Variants in ACADL observed in about 807,000 individuals in gnomAD.
ACADL encodes long-chain specific acyl-CoA dehydrogenase, mitochondrial.
A neutral mutation model predicts 56.9 loss-of-function variants in ACADL; 60 were observed. The ratio of observed to expected loss-of-function variants is 1.05; its 90% CI spans 0.86 to 1.31. The LOEUF (loss-of-function observed/expected upper bound fraction) is 1.31, where lower values mean the gene tolerates loss of function less well. ACADL is among the 50% of genes most tolerant of loss of function. The probability of loss-of-function intolerance (pLI) is 0.00; values close to 1 mark genes in which losing one functional copy is unlikely to be tolerated. For missense variants in ACADL, 484 were observed against 525.5 expected, an observed-to-expected ratio of 0.92 and a Z score of 0.77; for synonymous variants, 158 against 179.7, an observed-to-expected ratio of 0.88 and a Z score of 0.97.
chr2:210,193,303 T>C (rs1347521078), intron 9 of ACADL, among the ~76,000 whole-genome samples: 1 of 152,188 alleles, frequency 6.6e-6, no homozygotes, highest in Non-Finnish European at 1.5e-5. Context: ...TCCAATGATG[T>C]CACTTTCTAC....
At chr2:210,220,840 A>C in intron 1 of ACADL, 38 bp from the exon 2 acceptor site, 1 of 1,487,052 alleles carries the variant, frequency 6.7e-7, no homozygotes, top group Non-Finnish European at 9.2e-7. Flanking sequence ...AAGTAAGTGA[A>C]TTGTTACTCT....
At chr2:210,215,435 C>T (rs1357108515) in intron 4 of ACADL, among the ~76,000 whole-genome samples, 1 of 152,180 alleles carries the variant, frequency 6.6e-6, no homozygotes, top group Non-Finnish European at 1.5e-5. Flanking sequence ...CAACTGACTT[C>T]TCTTCCTACT....
chr2:210,191,041 G>C (rs999597685), intron 10 of ACADL, among the ~76,000 whole-genome samples: 2 of 151,550 alleles, frequency 1.3e-5, no homozygotes, highest in Non-Finnish European at 1.5e-5. Context: ...CTCTGGAGTA[G>C]CTGGGACTAC....
chr2:210,213,174 G>T (rs550610318), intron 4 of ACADL, among the ~76,000 whole-genome samples: 2 of 152,046 alleles, frequency 1.3e-5, no homozygotes, highest in African/African-American at 4.8e-5. Context: ...ATAAAGTATC[G>T]GTAACTAATG....
chr2:210,205,900 C>T, intron 5 of ACADL, 104 bp from the exon 6 acceptor site: 1 of 1,322,578 alleles, frequency 7.6e-7, no homozygotes. Flanking sequence ...ACAGACAAGA[C>T]ATGCTTGATA....
In ACADL at chr2:210,203,325, G is replaced by C; in HGVS notation, c.984+6C>G. On this transcript the variant is annotated splice_donor_region_variant and intron_variant, in intron 8 of 10. Coordinates refer to ENST00000233710, the MANE Select transcript of ACADL (RefSeq NM_001608.4). ...ATCTAATACTAAACCACAGTGACAA[G>C]CTTACCTGTAGGTGAGCAACTGTTT... 1 of 1,597,154 alleles carries C rather than the reference G, an allele frequency of 6.3e-7. No homozygotes were observed. Among genetic ancestry groups the C allele is most frequent in the African/African-American group, 1.3e-5 (1 of 74,674 alleles).
At chr2:210,201,955 T>C (rs1282630552) in intron 8 of ACADL, among the ~76,000 whole-genome samples, 1 of 152,172 alleles carries the variant, frequency 6.6e-6, no homozygotes, top group Non-Finnish European at 1.5e-5. Context: ...AGCTGATTGA[T>C]ACACAAAAAG....
In ACADL at chr2:210,188,187, T is replaced by C. The variant is rs754460175; in HGVS notation, c.*774A>G. The C allele has an allele frequency of 6.6e-6, 1 of 152,226 alleles. No individual in the cohort carries two copies. The highest frequency in any genetic ancestry group is 1.5e-5 in the Non-Finnish European group (1 of 68,028). The allele number at this position is 152,226 out of a possible 1,614,324, so 9.4% of individuals were successfully genotyped here. A position where few individuals can be genotyped will look rare whatever the true frequency, so the allele number is the denominator to read the frequency against. On this transcript the variant is annotated 3_prime_UTR_variant, in exon 11 of 11. Coordinates refer to ENST00000233710, the MANE Select transcript of ACADL (RefSeq NM_001608.4). ...AGACATAAAGTAATTATTAAGTTAA[T>C]AAATACATTAACTGTTGCAAAAGAA...
chr2:210,224,959 T>G, intron 1 of ACADL: 1 of 1,357,250 alleles, frequency 7.4e-7, no homozygotes, highest in Non-Finnish European at 9.4e-7. Context: ...CTCGGCGGTC[T>G]GTTCTCGGGG....
chr2:210,204,381 A>T (rs1293106305), intron 7 of ACADL, among the ~76,000 whole-genome samples, 200 bp downstream of exon 7: 3 of 152,194 alleles, frequency 2.0e-5, no homozygotes, highest in Non-Finnish European at 2.9e-5. Context: ...CTTTGATTGG[A>T]TATTACTGAG....
At chr2:210,208,241 G>A (rs1198177481) in intron 5 of ACADL, among the ~76,000 whole-genome samples, 1 of 152,198 alleles carries the variant, frequency 6.6e-6, no homozygotes, top group African/African-American at 2.4e-5. Flanking sequence ...GAAGGGAGGA[G>A]AAATTCATTG....
intron 2 of ACADL, among the ~76,000 whole-genome samples, chr2:210,219,811 AAT>A (rs995279563): frequency 4.6e-5 from 7 of 152,078 alleles, no homozygotes; most frequent in African/African-American, 1.7e-4. Flanking sequence ...AAATATATTT[AAT>A]ATATTACATG....
At chr2:210,222,576 G>A (rs903563478) in intron 1 of ACADL, among the ~76,000 whole-genome samples, 3 of 151,568 alleles carry the variant, frequency 2.0e-5, no homozygotes, top group African/African-American at 7.3e-5. Flanking sequence ...AGAAAGGTGA[G>A]ATTTGAGCAA....
intron 9 of ACADL, among the ~76,000 whole-genome samples, chr2:210,193,586 T>C (rs376404882): frequency 2.0e-5 from 3 of 152,184 alleles, no homozygotes; most frequent in East Asian, 3.8e-4. Flanking sequence ...AAATTCATGA[T>C]AGAGATTTTA....
At chr2:210,217,929 A>G (rs757329898) in intron 3 of ACADL, 36 bp downstream of exon 3, 1 of 1,613,150 alleles carries the variant, frequency 6.2e-7, no homozygotes, top group East Asian at 2.2e-5. Context: ...GTGTGTTTAC[A>G]AAACAAGACT....
chr2:210,194,054 G>T (rs559805019), intron 9 of ACADL, among the ~76,000 whole-genome samples: 2 of 152,108 alleles, frequency 1.3e-5, no homozygotes, highest in Admixed American at 1.3e-4. Context: ...TATTTACTGG[G>T]CTATAACTAG....
chr2:210,216,007 C>G (rs1689080147), intron 4 of ACADL, among the ~76,000 whole-genome samples: 1 of 152,142 alleles, frequency 6.6e-6, no homozygotes, highest in Non-Finnish European at 1.5e-5. Context: ...ACTTTTAAAA[C>G]CTATTGCTAC....
At chr2:210,200,007 C>T (rs1043398747) in intron 8 of ACADL, among the ~76,000 whole-genome samples, 40 of 152,028 alleles carry the variant, frequency 2.6e-4, no homozygotes, top group Non-Finnish European at 4.6e-4. Context: ...GGCCTCCCAA[C>T]GTGCTGGGAT....
chr2:210,216,383 A>G lies in ACADL; in HGVS notation c.500T>C (p.Ile167Thr), dbSNP rs1575680505. The G allele has an allele frequency of 1.2e-6, 2 of 1,613,870 alleles. No individual in the cohort carries two copies. Among genetic ancestry groups the G allele is most frequent in the Non-Finnish European group, 1.7e-6 (2 of 1,179,822 alleles). Residue 167 changes from isoleucine (I) to threonine (T), a missense_variant, in exon 4 of 11, where the codon ATT (isoleucine) becomes ACT (threonine). Coordinates refer to ENST00000233710, the MANE Select transcript of ACADL (RefSeq NM_001608.4). ...AGGCTCTGTCATTGCTATTGCACCA[A>G]TACATTTGCCTGCAGTCATCTGGGG... Reference protein sequence around the residue: ...FIPQMTAGKCIGAIAMTEPGA... With the variant: ...FIPQMTAGKCTGAIAMTEPGA...
Sources: gnomAD v4.1 joint callset for allele counts (sites outside exome capture counted in the v4.1 genomes callset) on GRCh38, gnomAD v4.1.1 for gene constraint, MANE v1.5 for transcripts, NCBI Gene and HGNC (gene_info 2026-07-23, HGNC 2026-07-21) for gene names.